LRRC39: variants seen among roughly 807,000 people sequenced by gnomAD.
LRRC39 encodes leucine rich repeat containing 39.
A neutral mutation model predicts 39.7 loss-of-function variants in LRRC39; 35 were observed. The ratio of observed to expected loss-of-function variants is 0.88; its 90% CI spans 0.67 to 1.17. The LOEUF is 1.17. LRRC39 is among the 50% of genes most tolerant of loss of function. The pLI, the probability that LRRC39 is intolerant of heterozygous loss-of-function variation, is 0.00. For synonymous variants in LRRC39, 113 were observed against 134.1 expected (o/e 0.84, Z 1.09); for missense variants, 357 against 385.8 (o/e 0.93, Z 0.62).
In LRRC39 at chr1:100,158,390, G is replaced by A. The variant is rs756696247; in HGVS notation, c.377-23C>T. 3.1e-6 allele frequency: 5 copies of A among 1,590,486 alleles called. No individual in the cohort carries two copies. In the East Asian group the frequency reaches 6.7e-5, roughly 21 times the overall value. ...GTCCTATAAAAAATAATATACAATA[G>A]AGAGGAGTTGGATATAAAATAATCT... On this transcript the variant is annotated intron_variant, in intron 5 of 9. Transcript: ENST00000370137.
chr1:100,155,665 A>G (rs1301982805), intron 7 of LRRC39, among the ~76,000 whole-genome samples: 3 of 152,202 alleles, frequency 2.0e-5, no homozygotes, highest in Non-Finnish European at 4.4e-5. Context: ...GAACAATAAA[A>G]TGATGAATAT....
Position 100,166,991 on chromosome 1 carries a change from A to G in LRRC39, c.113+1413T>C, listed in dbSNP as rs192646566. Reference sequence around the variant, plus strand: ...CTTTATAAATTACCCAGTCTCAGGTATGTCTTTATCAGCAGCATGAAAACA... The same window carrying G: ...CTTTATAAATTACCCAGTCTCAGGTGTGTCTTTATCAGCAGCATGAAAACA... On this transcript the variant is annotated intron_variant, in intron 3 of 9. Coordinates refer to ENST00000370137, the MANE Select transcript of LRRC39 (RefSeq NM_144620.4). 2.9e-4 allele frequency among the ~76,000 whole-genome samples: 44 copies of G among 152,274 alleles called. No homozygotes were observed. The East Asian group carries it at 5.8e-3, about 20-fold the overall frequency.
intron 9 of LRRC39, 174 bp from the exon 10 acceptor site, chr1:100,149,271 C>G: frequency 6.6e-7 from 1 of 1,517,616 alleles, no homozygotes; most frequent in Non-Finnish European, 8.8e-7. Context: ...GGACATTTTT[C>G]CCTACAGATC....
chr1:100,168,778 G>A (rs373387850), intron 2 of LRRC39, 184 bp from the exon 3 acceptor site: 3 of 285,940 alleles, frequency 1.0e-5, no homozygotes. Flanking sequence ...ATTGACTAAT[G>A]TATAGATGAG....
intron 3 of LRRC39, among the ~76,000 whole-genome samples, chr1:100,164,084 AAT>A (rs1659067592): frequency 6.6e-6 from 1 of 152,032 alleles, no homozygotes; most frequent in Non-Finnish European, 1.5e-5. Flanking sequence ...AAAAAAACAA[AAT>A]AAAATTTGAT....
Position 100,156,068 on chromosome 1 carries a change from C to A in LRRC39, c.659+104G>T, listed in dbSNP as rs1044534807. On this transcript the variant is annotated intron_variant, in intron 7 of 9. Coordinates refer to ENST00000370137, the MANE Select transcript of LRRC39 (RefSeq NM_144620.4). ...ACAGTGTATTTCAAACTAGTTGGACCTATTGTGATTGATTATGCTTGAGAT... is the reference window on the plus strand; with the variant it reads ...ACAGTGTATTTCAAACTAGTTGGACATATTGTGATTGATTATGCTTGAGAT... The A allele has an allele frequency of 1.4e-5, 15 of 1,046,448 alleles. No individual in the cohort carries two copies. In the Admixed American group the frequency reaches 3.7e-4, roughly 26 times the overall value. The allele number at this position is 1,046,448 out of a possible 1,614,324, so 64.8% of individuals were successfully genotyped here. A position where few individuals can be genotyped will look rare whatever the true frequency, so the allele number is the denominator to read the frequency against.
chr1:100,167,708 G>A (rs1462392916), intron 3 of LRRC39, among the ~76,000 whole-genome samples: 3 of 151,548 alleles, frequency 2.0e-5, no homozygotes, highest in Non-Finnish European at 4.4e-5. Flanking sequence ...TCTGGGAGGC[G>A]GAGGTTGCAG....
At chr1:100,178,999 C>G (rs1263723923), upstream of LRRC39, among the ~76,000 whole-genome samples, 2 of 152,166 alleles carry the variant, frequency 1.3e-5, no homozygotes, top group African/African-American at 4.8e-5. Flanking sequence ...GGCATGCACA[C>G]ATACAAAAAT....
intron 2 of LRRC39, among the ~76,000 whole-genome samples, chr1:100,170,030 C>T (rs928094323): frequency 1.3e-5 from 2 of 151,942 alleles, no homozygotes; most frequent in African/African-American, 2.4e-5. Context: ...CAAAGGTTGT[C>T]CAGTTAAAGA....
At chr1:100,151,688 C>T (rs573450432) in intron 9 of LRRC39, among the ~76,000 whole-genome samples, 50 of 152,282 alleles carry the variant, frequency 3.3e-4, no homozygotes, top group African/African-American at 1.1e-3. Context: ...TCCTCTTCCC[C>T]TGATCTTGGT....
At chr1:100,155,241 T>C (rs756905114) in intron 7 of LRRC39, 38 bp from the exon 8 acceptor site, 9 of 1,488,328 alleles carry the variant, frequency 6.0e-6, no homozygotes, top group African/African-American at 1.4e-5. Flanking sequence ...TTACATATAA[T>C]ATGAAAATAT....
chr1:100,156,398 T>C, intron 6 of LRRC39, 81 bp from the exon 7 acceptor site: 1 of 1,315,750 alleles, frequency 7.6e-7, no homozygotes, highest in South Asian at 1.8e-5. Context: ...AAGGAGATAT[T>C]TCACATCCAG....
chr1:100,149,096 A>G lies in LRRC39; in HGVS notation c.954T>C (p.Asp318=). The G allele has an allele frequency of 2.5e-6, 4 of 1,601,480 alleles. No homozygotes were observed. The highest frequency in any genetic ancestry group is 3.4e-6 in the Non-Finnish European group (4 of 1,175,896). Residue 318 remains aspartate, a splice_region_variant and synonymous_variant, in exon 10 of 10, where the codon GAT becomes GAC. Coordinates refer to ENST00000370137, the MANE Select transcript of LRRC39 (RefSeq NM_144620.4). The part of the protein sequence containing the change: ...TYIQESRRRA[D]HQVNGSTTLP... ...AAGTAGTTGAACCGTTGACTTGGTG[A>G]TCTGAAACATACATAACATGTCAAC... is the stretch of plus-strand genomic sequence containing the variant.
rs1657678418 is a variant in LRRC39, at chr1:100,149,089, C to T, written c.961G>A (p.Val321Ile). Residue 321 changes from valine to isoleucine, a missense_variant, in exon 10 of 10, where the codon GTC becomes ATC. By Grantham distance (29) the Val-to-Ile change is conservative. Transcript: ENST00000370137. Reference protein sequence around the residue: ...QESRRRADHQVNGSTTLPISI... With the variant: ...QESRRRADHQINGSTTLPISI... ...ATTGGTAAAGTAGTTGAACCGTTGACTTGGTGATCTGAAACATACATAACA... is the reference window on the plus strand; with the variant it reads ...ATTGGTAAAGTAGTTGAACCGTTGATTTGGTGATCTGAAACATACATAACA... 6.2e-7 allele frequency: 1 copy of T among 1,601,300 alleles called. No individual in the cohort carries two copies. Among genetic ancestry groups the T allele is most frequent in the African/African-American group, 1.3e-5 (1 of 74,410 alleles).
intron 3 of LRRC39, among the ~76,000 whole-genome samples, chr1:100,166,886 G>C (rs958773351): frequency 3.9e-5 from 6 of 151,968 alleles, no homozygotes; most frequent in Non-Finnish European, 2.9e-5. Context: ...TAAGATGTCC[G>C]TTTGCTCTTC....
chr1:100,148,622 T>G lies in LRRC39; in HGVS notation c.*420A>C. The G allele has an allele frequency of 6.3e-7, 1 of 1,597,534 alleles. No individual in the cohort carries two copies. The highest frequency in any genetic ancestry group is 8.5e-7 in the Non-Finnish European group (1 of 1,175,890). ...ATGTTTTGTGTGTGTTTATTCAATTTAGGCTTCTTAGTGTTGAAGAAAAGA... is the reference window on the plus strand; with the variant it reads ...ATGTTTTGTGTGTGTTTATTCAATTGAGGCTTCTTAGTGTTGAAGAAAAGA... On this transcript the variant is annotated 3_prime_UTR_variant, in exon 10 of 10. Coordinates refer to ENST00000370137, the MANE Select transcript of LRRC39 (RefSeq NM_144620.4).
intron 9 of LRRC39, among the ~76,000 whole-genome samples, chr1:100,151,868 A>C (rs1241257339): frequency 6.6e-6 from 1 of 152,120 alleles, no homozygotes; most frequent in Admixed American, 6.6e-5. Context: ...TGAGCCCAGG[A>C]GTTCAAGGCT....
chr1:100,158,274 A>G lies in LRRC39; in HGVS notation c.470T>C (p.Leu157Pro). Residue 157 changes from leucine (L) to proline (P), a missense_variant, in exon 6 of 10, where the codon CTA (leucine) becomes CCA (proline). Physicochemically the swap from Leu to Pro is moderately conservative, Grantham distance 98 (BLOSUM62 -3). Transcript: ENST00000370137. ...TATATCTCTGTTAACAGCCAGTTCT[A>G]GTTTCTCCAAGCTGGCACAATTACT... Reference protein sequence around the residue: ...ELSNCASLEKLELAVNRDICD... With the variant: ...ELSNCASLEKPELAVNRDICD... 1 of 1,614,018 alleles carries G rather than the reference A, an allele frequency of 6.2e-7. No individual in the cohort carries two copies. Among genetic ancestry groups the G allele is most frequent in the African/African-American group, 1.3e-5 (1 of 75,030 alleles).
At chr1:100,177,693 T>C (rs1660054653) in intron 1 of LRRC39, among the ~76,000 whole-genome samples, 1 of 152,218 alleles carries the variant, frequency 6.6e-6, no homozygotes, top group African/African-American at 2.4e-5. Flanking sequence ...TTAGAAGACA[T>C]GTAAAACAAT....
Sources: gnomAD v4.1 joint callset for allele counts (sites outside exome capture counted in the v4.1 genomes callset) on GRCh38, gnomAD v4.1.1 for gene constraint, MANE v1.5 for transcripts, NCBI Gene and HGNC (gene_info 2026-07-23, HGNC 2026-07-21) for gene names.